FAM168A: variants seen among roughly 807,000 people sequenced by gnomAD.
FAM168A encodes the protein protein FAM168A.
FAM168A carries 3 observed loss-of-function variants against 28.5 expected under a neutral mutation model. That is an observed-to-expected ratio of 0.11 (90% CI 0.05 to 0.27). The LOEUF (loss-of-function observed/expected upper bound fraction) is 0.27, where lower values mean the gene tolerates loss of function less well. Among genes scored for constraint, FAM168A ranks in the 10% least tolerant of loss-of-function variants. FAM168A has a pLI of 1.00. For synonymous variants in FAM168A, 122 were observed against 124.2 expected, an observed-to-expected ratio of 0.98 and a Z score of 0.12; for missense variants, 222 against 311.5, an observed-to-expected ratio of 0.71 and a Z score of 2.16.
intron 1 of FAM168A, among the ~76,000 whole-genome samples, chr11:73,582,548 ATTAAAAACCCACATTTC>A (rs1176324967): frequency 1.3e-5 from 2 of 152,204 alleles, no homozygotes; most frequent in Non-Finnish European, 1.5e-5. Flanking sequence ...TAATAGGGTA[ATTAAAAACCCACATTTC>A]TTAAAGTCTC....
intron 4 of FAM168A, among the ~76,000 whole-genome samples, chr11:73,417,641 G>C (rs1866718776): frequency 6.7e-6 from 1 of 148,594 alleles, no homozygotes; most frequent in Non-Finnish European, 1.5e-5. Flanking sequence ...CTCACTGCCA[G>C]CTCCGTCTTC....
intron 1 of FAM168A, among the ~76,000 whole-genome samples, chr11:73,593,812 T>C (rs1445326900): frequency 6.6e-6 from 1 of 152,212 alleles, no homozygotes; most frequent in Non-Finnish European, 1.5e-5. Flanking sequence ...TATTCGCACT[T>C]TACAGATGAG....
chr11:73,536,453 C>T (rs562453547), intron 1 of FAM168A, among the ~76,000 whole-genome samples: 42 of 152,186 alleles, frequency 2.8e-4, no homozygotes, highest in African/African-American at 8.7e-4. Flanking sequence ...TGTGGGAGGC[C>T]GAAGTGGGCA....
intron 1 of FAM168A, among the ~76,000 whole-genome samples, chr11:73,477,283 G>A (rs1196455566): frequency 1.3e-5 from 2 of 152,012 alleles, no homozygotes; most frequent in Non-Finnish European, 2.9e-5. Context: ...CCTGGGTGAT[G>A]AAATCATTTG....
chr11:73,484,759 A>G (rs1394716878), intron 1 of FAM168A, among the ~76,000 whole-genome samples: 1 of 148,834 alleles, frequency 6.7e-6, no homozygotes, highest in East Asian at 1.9e-4. Flanking sequence ...GATATATAGG[A>G]ATTTATTAAG....
At chr11:73,506,515 G>A (rs1350836979) in intron 1 of FAM168A, among the ~76,000 whole-genome samples, 1 of 152,084 alleles carries the variant, frequency 6.6e-6, no homozygotes, top group Non-Finnish European at 1.5e-5. Flanking sequence ...GAAAATATTA[G>A]AAATCTATTA....
chr11:73,430,849 G>A, intron 2 of FAM168A, 79 bp from the exon 3 acceptor site: 1 of 1,165,240 alleles, frequency 8.6e-7, no homozygotes, highest in Non-Finnish European at 1.2e-6. Flanking sequence ...AAAACACCCA[G>A]ATTTTTGAGG....
At chr11:73,492,806 T>A (rs1854778754) in intron 1 of FAM168A, among the ~76,000 whole-genome samples, 1 of 152,132 alleles carries the variant, frequency 6.6e-6, no homozygotes, top group Non-Finnish European at 1.5e-5. Context: ...GAGTTCAAAA[T>A]CCTGGTGGCA....
intron 3 of FAM168A, among the ~76,000 whole-genome samples, chr11:73,427,984 T>G (rs1399063227): frequency 1.3e-5 from 2 of 152,178 alleles, no homozygotes; most frequent in Non-Finnish European, 2.9e-5. Flanking sequence ...CCCTCCTTGA[T>G]CTCTACTCCC....
chr11:73,537,322 A>T (rs1943595257), intron 1 of FAM168A, among the ~76,000 whole-genome samples: 1 of 152,160 alleles, frequency 6.6e-6, no homozygotes, highest in Non-Finnish European at 1.5e-5. Context: ...GCAATTTGGG[A>T]GGCCGAGGCT....
At chr11:73,479,295 A>G (rs1453489908) in intron 1 of FAM168A, among the ~76,000 whole-genome samples, 2 of 152,218 alleles carry the variant, frequency 1.3e-5, no homozygotes, top group East Asian at 1.9e-4. Context: ...AAATAAAACT[A>G]TATTTTAAAA....
At chr11:73,496,873 TCACA>T (rs71065011) in intron 1 of FAM168A, among the ~76,000 whole-genome samples, 2,028 of 140,172 alleles carry the variant, frequency 0.014, 22 homozygotes, top group South Asian at 0.03. Context: ...TATGTTCTTA[TCACA>T]CACACACACA....
chr11:73,572,406 T>G (rs1324512585), intron 1 of FAM168A, among the ~76,000 whole-genome samples: 5 of 152,052 alleles, frequency 3.3e-5, no homozygotes, highest in Non-Finnish European at 2.9e-5. Context: ...CGGGCCATGA[T>G]GACAATGGCG....
intron 2 of FAM168A, among the ~76,000 whole-genome samples, chr11:73,467,345 T>G (rs538993519): frequency 6.6e-6 from 1 of 151,624 alleles, no homozygotes; most frequent in African/African-American, 2.4e-5. Flanking sequence ...ATCACAGAAA[T>G]TAAGTCTGGG....
chr11:73,531,635 T>A (rs2134664764), intron 1 of FAM168A, among the ~76,000 whole-genome samples: 1 of 152,114 alleles, frequency 6.6e-6, no homozygotes, highest in East Asian at 1.9e-4. Flanking sequence ...TAGGTTACCT[T>A]ACTCTCCAAT....
At chr11:73,567,779 A>C (rs1001966398) in intron 1 of FAM168A, among the ~76,000 whole-genome samples, 1 of 152,024 alleles carries the variant, frequency 6.6e-6, no homozygotes, top group African/African-American at 2.4e-5. Flanking sequence ...TCATGGACTT[A>C]TTTCAAGGTA....
intron 1 of FAM168A, among the ~76,000 whole-genome samples, chr11:73,561,072 AAC>A (rs142246549): frequency 0.072 from 8,987 of 124,144 alleles, 1,128 homozygotes; most frequent in African/African-American, 0.25. Context: ...AAAAAAAAAA[AAC>A]AAAAAACAAA....
At chr11:73,590,079 T>C (rs1338645654) in intron 1 of FAM168A, among the ~76,000 whole-genome samples, 1 of 152,118 alleles carries the variant, frequency 6.6e-6, no homozygotes. Flanking sequence ...ATTTTTTACA[T>C]TTAGAATAAT....
At chr11:73,432,157 T>A (rs1326480664) in intron 2 of FAM168A, among the ~76,000 whole-genome samples, 1 of 152,258 alleles carries the variant, frequency 6.6e-6, no homozygotes, top group African/African-American at 2.4e-5. Flanking sequence ...TGCCAGACTT[T>A]CTTTATCCGT....
Sources: gnomAD v4.1 joint callset for allele counts (sites outside exome capture counted in the v4.1 genomes callset) on GRCh38, gnomAD v4.1.1 for gene constraint, MANE v1.5 for transcripts, NCBI Gene and HGNC (gene_info 2026-07-23, HGNC 2026-07-21) for gene names.